Variants in HCN1 observed in about 807,000 individuals in gnomAD.
HCN1 encodes the protein potassium/sodium hyperpolarization-activated cyclic nucleotide-gated channel 1.
In HCN1, 13 loss-of-function variants were observed where a neutral mutation model predicts 78.9. The observed-to-expected ratio is 0.16, with a 90% CI of 0.11 to 0.26. HCN1 has a LOEUF of 0.26. HCN1 is among the 10% of genes least tolerant of loss of function. HCN1 has a pLI of 1.00. For missense variants in HCN1, 810 were observed against 1,154.3 expected (o/e 0.70, Z 4.32); for synonymous variants, 552 against 455.5 (o/e 1.21, Z -2.70).
At chr5:45,305,267 C>T (rs1323026281) in intron 5 of HCN1, among the ~76,000 whole-genome samples, 1 of 152,100 alleles carries the variant, frequency 6.6e-6, no homozygotes, top group Non-Finnish European at 1.5e-5. Context: ...TAATGCCATC[C>T]AGGATAGATA....
At chr5:45,608,352 G>GGTGTGT (rs1239049493) in intron 2 of HCN1, among the ~76,000 whole-genome samples, 83 of 111,268 alleles carry the variant, frequency 7.5e-4, no homozygotes, top group African/African-American at 2.0e-3. Context: ...GGGTAGGATG[G>GGTGTGT]GTGTATGTGT....
intron 5 of HCN1, among the ~76,000 whole-genome samples, chr5:45,348,030 C>A (rs1746787640): frequency 6.6e-6 from 1 of 152,090 alleles, no homozygotes. Context: ...CAAAGATACT[C>A]CTTGAGAAGA....
chr5:45,632,049 A>G (rs1023131039), intron 2 of HCN1, among the ~76,000 whole-genome samples: 1 of 152,088 alleles, frequency 6.6e-6, no homozygotes, highest in Admixed American at 6.6e-5. Context: ...CATCTCCTTA[A>G]TTGCTTTTAT....
intron 2 of HCN1, among the ~76,000 whole-genome samples, chr5:45,579,608 C>T (rs1241708183): frequency 6.6e-6 from 1 of 151,984 alleles, no homozygotes; most frequent in South Asian, 2.1e-4. Context: ...TGAATAAGTG[C>T]TGATTTATAA....
At chr5:45,518,176 T>G (rs1742547267) in intron 2 of HCN1, among the ~76,000 whole-genome samples, 1 of 152,098 alleles carries the variant, frequency 6.6e-6, no homozygotes, top group Non-Finnish European at 1.5e-5. Flanking sequence ...TTACATCACT[T>G]CAGATTACTG....
chr5:45,645,416 G>A lies in HCN1; in HGVS notation c.618C>T (p.Ile206=). The A allele has an allele frequency of 6.2e-7, 1 of 1,613,630 alleles. No individual in the cohort carries two copies. ...TGTVNEDSSE[I]ILDPKVIKMN... The stretch of plus-strand genomic sequence containing the variant: ...TCTTGATCACTTTGGGGTCCAGGAT[G>A]ATTTCAGAACTGTCTTCATTGACAG... Residue 206 remains isoleucine, a synonymous_variant, in exon 2 of 8, where the codon ATC becomes ATT. Coordinates refer to ENST00000303230, the MANE Select transcript of HCN1 (RefSeq NM_021072.4).
At chr5:45,420,045 C>T (rs539053974) in intron 3 of HCN1, among the ~76,000 whole-genome samples, 5 of 152,192 alleles carry the variant, frequency 3.3e-5, no homozygotes, top group Non-Finnish European at 5.9e-5. Flanking sequence ...ATTGGCTCAA[C>T]ATCTATCACT....
chr5:45,528,165 T>C (rs761736044), intron 2 of HCN1, among the ~76,000 whole-genome samples: 8 of 151,982 alleles, frequency 5.3e-5, no homozygotes, highest in Non-Finnish European at 1.2e-4. Context: ...TTAAGCAATC[T>C]GATATAATAA....
chr5:45,436,742 C>T (rs954012978), intron 3 of HCN1, among the ~76,000 whole-genome samples: 5 of 152,152 alleles, frequency 3.3e-5, no homozygotes, highest in Admixed American at 6.5e-5. Context: ...CAGGACCACA[C>T]CCGTACTTTG....
In HCN1 at chr5:45,696,097, C is replaced by A. The variant is rs1740007604; in HGVS notation, c.-4G>T. On this transcript the variant is annotated 5_prime_UTR_variant, in exon 1 of 8. Transcript: ENST00000303230. ...TGGGCTTGCCGCCTCCTTCCATGCC[C>A]GGAGGACGCGGCCGGCGACGGCGCG... 7.5e-7 allele frequency: 1 copy of A among 1,332,756 alleles called. No individual in the cohort carries two copies. Among genetic ancestry groups the A allele is most frequent in the Non-Finnish European group, 9.7e-7 (1 of 1,029,812 alleles). The allele number at this position is 1,332,756 out of a possible 1,614,324, so 82.6% of individuals were successfully genotyped here.
chr5:45,600,054 G>GA (rs1438945123), intron 2 of HCN1, among the ~76,000 whole-genome samples: 1 of 151,992 alleles, frequency 6.6e-6, no homozygotes, highest in African/African-American at 2.4e-5. Flanking sequence ...AGCTAGCAAG[G>GA]AAAAATCACT....
At chr5:45,349,424 A>G (rs570454884) in intron 5 of HCN1, among the ~76,000 whole-genome samples, 3 of 152,370 alleles carry the variant, frequency 2.0e-5, no homozygotes, top group African/African-American at 7.2e-5. Context: ...GAAAGCAGGA[A>G]AGATCCAAAT....
intron 5 of HCN1, among the ~76,000 whole-genome samples, chr5:45,318,340 C>A (rs1243968629): frequency 6.6e-6 from 1 of 152,086 alleles, no homozygotes; most frequent in Non-Finnish European, 1.5e-5. Context: ...CACATGTTCT[C>A]ACTCATAGGT....
At chr5:45,402,754 T>C (rs1739840489) in intron 3 of HCN1, among the ~76,000 whole-genome samples, 1 of 151,692 alleles carries the variant, frequency 6.6e-6, no homozygotes, top group Non-Finnish European at 1.5e-5. Context: ...TCTCTCTCTC[T>C]CCCCCTTCCT....
At chr5:45,609,519 T>C (rs1043207665) in intron 2 of HCN1, among the ~76,000 whole-genome samples, 2 of 152,066 alleles carry the variant, frequency 1.3e-5, no homozygotes, top group African/African-American at 4.8e-5. Context: ...TGTGTATAAG[T>C]CTCTGGGCAT....
At chr5:45,597,369 C>T (rs988835339) in intron 2 of HCN1, among the ~76,000 whole-genome samples, 1 of 152,084 alleles carries the variant, frequency 6.6e-6, no homozygotes. Context: ...AATTCAACAG[C>T]CCTTCATGCT....
intron 2 of HCN1, among the ~76,000 whole-genome samples, chr5:45,542,229 G>A (rs1241080229): frequency 1.3e-5 from 2 of 152,004 alleles, no homozygotes; most frequent in Non-Finnish European, 2.9e-5. Context: ...CTACACACAA[G>A]CAATGTCAAA....
At position 45,277,250 on chromosome 5, in the gene HCN1, C is replaced by T. The variant is rs533539566; in HGVS notation, c.1619-9997G>A. Among the ~76,000 whole-genome samples the T allele has an allele frequency of 3.3e-5, 5 of 152,120 alleles. 1 individual carries two copies. The highest frequency in any genetic ancestry group is 1.2e-4 in the African/African-American group (5 of 41,502). ...CAAATCTTTTGCTTCATAATACAGG[C>T]ATATTTATCTATAGTCAGTTTGCCA... On this transcript the variant is annotated intron_variant, in intron 6 of 7. Transcript: ENST00000303230.
intron 6 of HCN1, among the ~76,000 whole-genome samples, chr5:45,293,158 T>C (rs1561091729): frequency 1.3e-5 from 2 of 151,980 alleles, no homozygotes; most frequent in Non-Finnish European, 2.9e-5. Context: ...CTTTAGGTCT[T>C]TGAGGAATTA....
Sources: gnomAD v4.1 joint callset for allele counts (sites outside exome capture counted in the v4.1 genomes callset) on GRCh38, gnomAD v4.1.1 for gene constraint, MANE v1.5 for transcripts, NCBI Gene and HGNC (gene_info 2026-07-23, HGNC 2026-07-21) for gene names.